REPS2: variants seen among roughly 807,000 people sequenced by gnomAD.
REPS2 encodes ralBP1-associated Eps domain-containing protein 2.
A neutral mutation model predicts 53.6 loss-of-function variants in REPS2; 23 were observed. The ratio of observed to expected loss-of-function variants is 0.43; its 90% CI spans 0.31 to 0.61. The LOEUF (loss-of-function observed/expected upper bound fraction) is 0.61, where lower values mean the gene tolerates loss of function less well. Ranked by LOEUF, REPS2 falls within the 20% of genes least tolerant of loss-of-function variation. REPS2 has a pLI of 0.11. For synonymous variants in REPS2, 238 were observed against 218.6 expected, an observed-to-expected ratio of 1.09 and a Z score of -0.78; for missense variants, 446 against 534.9, an observed-to-expected ratio of 0.83 and a Z score of 1.64.
intron 13 of REPS2, among the ~76,000 whole-genome samples, chrX:17,094,066 A>T (rs1290198866): frequency 8.9e-6 from 1 of 111,858 alleles, no homozygotes; most frequent in African/African-American, 3.2e-5. Context: ...TTATTACTGT[A>T]TCCTGTGTCT....
Position 17,006,246 on chromosome X carries a change from G to C in REPS2, c.299G>C (p.Arg100Pro). Residue 100 changes from arginine (R) to proline (P), a missense_variant, in exon 2 of 18, where the codon CGG becomes CCG. Arg to Pro is a moderately radical substitution (Grantham distance 103). Coordinates refer to ENST00000357277, the MANE Select transcript of REPS2 (RefSeq NM_004726.3). The part of the protein sequence containing the change: ...HQITELCGAK[R>P]VGYFGPTQFY... ...ATCACAGAACTGTGTGGTGCAAAGC[G>C]GGTTGGTTATTTTGGTCCAACACAG... The C allele has an allele frequency of 8.3e-7, 1 of 1,210,605 alleles. No homozygotes were observed. The highest frequency in any genetic ancestry group is 1.1e-6 in the Non-Finnish European group (1 of 894,524).
chrX:17,183,573 C>G, the REPS2 span, among the ~76,000 whole-genome samples: 1 of 112,015 alleles, frequency 8.9e-6, no homozygotes, highest in Non-Finnish European at 1.9e-5. Flanking sequence ...CTGATCCCTT[C>G]TCACGACCAC....
At chrX:17,113,571 C>T (rs922136345) in intron 14 of REPS2, among the ~76,000 whole-genome samples, 3 of 111,460 alleles carry the variant, frequency 2.7e-5, no homozygotes, top group Non-Finnish European at 3.8e-5. Context: ...AATTCTGTTT[C>T]GGACCAACCT....
intron 8 of REPS2, among the ~76,000 whole-genome samples, 167 bp from the exon 9 acceptor site, chrX:17,062,271 A>G (rs1213756961): frequency 8.9e-6 from 1 of 112,391 alleles, no homozygotes; most frequent in Non-Finnish European, 1.9e-5. Flanking sequence ...TGGGTTGTCC[A>G]TATAAAGAAC....
the REPS2 span, among the ~76,000 whole-genome samples, chrX:17,171,696 A>G: frequency 9.6e-6 from 1 of 104,242 alleles, no homozygotes; most frequent in South Asian, 4.2e-4. Context: ...ATTTTTATGT[A>G]TTTTTTTTTT....
the REPS2 span, among the ~76,000 whole-genome samples, chrX:17,160,618 G>C: frequency 1.8e-5 from 2 of 112,085 alleles, no homozygotes; most frequent in Non-Finnish European, 3.8e-5. Context: ...AAACTCTGCT[G>C]GCAGGCAGCA....
chrX:17,008,512 C>A (rs1326945756), intron 2 of REPS2, among the ~76,000 whole-genome samples: 1 of 111,699 alleles, frequency 9.0e-6, no homozygotes, highest in Admixed American at 9.5e-5. Flanking sequence ...CCAGTTGCTG[C>A]CTTTTACCTC....
At chrX:17,051,693 T>C (rs1262839152) in intron 6 of REPS2, among the ~76,000 whole-genome samples, 1 of 112,494 alleles carries the variant, frequency 8.9e-6, no homozygotes, top group Admixed American at 9.4e-5. Context: ...TTATTTCTTT[T>C]GAATACATAC....
intron 5 of REPS2, among the ~76,000 whole-genome samples, chrX:17,030,891 C>T (rs1040640631): frequency 8.9e-6 from 1 of 112,053 alleles, no homozygotes; most frequent in African/African-American, 3.2e-5. Context: ...TACAAGAAGG[C>T]TAGGTTCTAG....
rs74473321 is a variant in REPS2 at position 16,951,559 on chromosome X, ACC to A, written c.273+4429_273+4430del. The stretch of plus-strand genomic sequence containing the variant: ...CACACACACACACACACACACACAC[ACC>A]CCCGCTACCTACCTCTCTCTGGGGC... On this transcript the variant is annotated intron_variant, in intron 1 of 17. Transcript: ENST00000357277. 1.4e-3 allele frequency among the ~76,000 whole-genome samples: 51 copies of A among 37,507 alleles called. 2 individuals carry two copies. Among genetic ancestry groups the A allele is most frequent in the Non-Finnish European group, 1.7e-3 (31 of 18,055 alleles). The allele number at this position is 37,507 out of a possible 115,157, so 32.6% of individuals were successfully genotyped here. A position where few individuals can be genotyped will look rare whatever the true frequency, so the allele number is the denominator to read the frequency against.
chrX:17,145,559 T>C (rs757898997), intron 17 of REPS2, among the ~76,000 whole-genome samples: 10 of 111,469 alleles, frequency 9.0e-5, no homozygotes, highest in South Asian at 3.8e-4. Flanking sequence ...AGATTTTTCT[T>C]CTCTCCTACA....
At position 17,152,557 on chromosome X, in the gene REPS2, A is replaced by G. The variant is rs1322333611; in HGVS notation, c.*5076A>G. 1.8e-5 allele frequency: 2 copies of G among 112,247 alleles called. No individual in the cohort carries two copies. Among genetic ancestry groups the G allele is most frequent in the East Asian group, 2.8e-4 (1 of 3,568 alleles). The allele number at this position is 112,247 out of a possible 1,213,427, so 9.3% of individuals were successfully genotyped here. A position where few individuals can be genotyped will look rare whatever the true frequency, so the allele number is the denominator to read the frequency against. On this transcript the variant is annotated 3_prime_UTR_variant, in exon 18 of 18. Transcript: ENST00000357277. Reference sequence around the variant, plus strand: ...GTGCTTAAATTGGAATTTGGAAACTACAGTAAAGAAACCTTCAGATACCAG... The same window carrying G: ...GTGCTTAAATTGGAATTTGGAAACTGCAGTAAAGAAACCTTCAGATACCAG...
Position 16,968,845 on chromosome X carries a change from C to T in REPS2, c.273+21711C>T, listed in dbSNP as rs773766722. The stretch of plus-strand genomic sequence containing the variant: ...GGGGCTGACCCCCCCACCTCCCTCC[C>T]GGACGGGGTGGCTGCTGGGCGGAGA... On this transcript the variant is annotated intron_variant, in intron 1 of 17. Coordinates refer to ENST00000357277, the MANE Select transcript of REPS2 (RefSeq NM_004726.3). Among the ~76,000 whole-genome samples the T allele has an allele frequency of 6.9e-3, 738 of 106,742 alleles. 1 individual carries two copies. Among genetic ancestry groups the T allele is most frequent in the Middle Eastern group, 0.033 (6 of 183 alleles). The allele number at this position is 106,742 out of a possible 115,157, so 92.7% of individuals were successfully genotyped here.
intron 8 of REPS2, among the ~76,000 whole-genome samples, chrX:17,056,032 C>CA (rs1256296954): frequency 9.1e-6 from 1 of 109,913 alleles, no homozygotes; most frequent in Non-Finnish European, 1.9e-5. Flanking sequence ...AAAAAAAAAA[C>CA]AAAAAAACTT....
chrX:16,985,429 A>T (rs2061079372), intron 1 of REPS2, among the ~76,000 whole-genome samples: 1 of 111,794 alleles, frequency 8.9e-6, no homozygotes, highest in Admixed American at 9.5e-5. Context: ...GTTGGTTGTG[A>T]CCAATTTTAC....
At chrX:17,102,783 A>C (rs1009224615) in intron 13 of REPS2, among the ~76,000 whole-genome samples, 12 of 112,699 alleles carry the variant, frequency 1.1e-4, no homozygotes, top group African/African-American at 3.9e-4. Context: ...TGTTCTTGGT[A>C]CATTGCTCTG....
chrX:17,181,590 G>C, the REPS2 span, among the ~76,000 whole-genome samples: 1 of 112,229 alleles, frequency 8.9e-6, no homozygotes, highest in African/African-American at 3.2e-5. Context: ...GCCTGGCCTA[G>C]CTCAGGAACA....
chrX:17,002,328 G>T (rs2061317868), intron 1 of REPS2, among the ~76,000 whole-genome samples: 1 of 111,378 alleles, frequency 9.0e-6, no homozygotes, highest in Admixed American at 9.5e-5. Context: ...ATAGGGAGGT[G>T]CCCAACCAAA....
In REPS2 at chrX:17,146,614, A is replaced by G. The variant is rs953391969; in HGVS notation, c.1915-799A>G. 3.4e-4 allele frequency among the ~76,000 whole-genome samples: 38 copies of G among 111,983 alleles called. 1 individual carries two copies. Among genetic ancestry groups the G allele is most frequent in the Non-Finnish European group, 1.1e-4 (6 of 53,209 alleles). On this transcript the variant is annotated intron_variant, in intron 17 of 17. Transcript: ENST00000357277. ...CTGATACCATCACAGCTACAGCATT[A>G]CCTCACCTGTAGGAGATAGAAACCA...
Sources: allele counts gnomAD v4.1 joint callset (sites outside exome capture counted in the v4.1 genomes callset), GRCh38; gene constraint gnomAD v4.1.1; transcripts MANE v1.5; gene names NCBI Gene and HGNC (gene_info 2026-07-23, HGNC 2026-07-21).